Variants in ASAP1 observed in about 807,000 individuals in gnomAD.
The protein encoded by ASAP1 is arf-GAP with SH3 domain, ANK repeat and PH domain-containing protein 1.
ASAP1 carries 43 observed loss-of-function variants against 145.2 expected under a neutral mutation model. The observed-to-expected ratio is 0.30, with a 90% confidence interval of 0.23 to 0.38. The LOEUF is 0.38. Among genes scored for constraint, ASAP1 ranks in the 10% least tolerant of loss-of-function variants. The pLI is 1.00. For missense variants in ASAP1, 1,018 were observed against 1,355.3 expected (o/e 0.75, Z 3.91); for synonymous variants, 546 against 515.5 (o/e 1.06, Z -0.80).
intron 13 of ASAP1, among the ~76,000 whole-genome samples, chr8:130,137,839 C>T (rs547592767): frequency 2.6e-4 from 39 of 152,192 alleles, no homozygotes; most frequent in Non-Finnish European, 4.6e-4. Flanking sequence ...AAACACTCTC[C>T]TGCCTGCCCA....
At chr8:130,079,066 A>T (rs1249828124) in intron 26 of ASAP1, among the ~76,000 whole-genome samples, 1 of 152,082 alleles carries the variant, frequency 6.6e-6, no homozygotes, top group East Asian at 1.9e-4. Context: ...ACAGTGATGC[A>T]TGCCTCTGGT....
In ASAP1 at chr8:130,373,229, G is replaced by C. The variant is rs145027360; in HGVS notation, c.60-15086C>G. On this transcript the variant is annotated intron_variant, in intron 2 of 29. Transcript: ENST00000518721. ...ATCTCTAGACAGACACATTCATTATGAATGGCTTTTTTTTGCATACAAAAC... is the reference window on the plus strand; with the variant it reads ...ATCTCTAGACAGACACATTCATTATCAATGGCTTTTTTTTGCATACAAAAC... Among the ~76,000 whole-genome samples the C allele has an allele frequency of 2.6e-3, 384 of 149,894 alleles. 1 individual carries two copies. The Middle Eastern group carries it at 0.031, about 12-fold the overall frequency.
intron 4 of ASAP1, among the ~76,000 whole-genome samples, chr8:130,232,427 A>C (rs906942867): frequency 2.0e-5 from 3 of 152,206 alleles, no homozygotes; most frequent in Admixed American, 6.5e-5. Flanking sequence ...ACAGATTAAT[A>C]ATGTTAAAAC....
At chr8:130,300,188 C>CA (rs1565186258) in intron 3 of ASAP1, among the ~76,000 whole-genome samples, 13 of 109,868 alleles carry the variant, frequency 1.2e-4, no homozygotes, top group Admixed American at 7.7e-4. Context: ...AGAGAGAGAG[C>CA]GAGCGAGCGA....
chr8:130,333,176 C>A (rs368157988), intron 3 of ASAP1, among the ~76,000 whole-genome samples: 2 of 152,134 alleles, frequency 1.3e-5, no homozygotes. Context: ...TCCTAAGCAC[C>A]CCCAACCCTA....
chr8:130,323,260 A>G (rs979307769), intron 3 of ASAP1, among the ~76,000 whole-genome samples: 3 of 152,228 alleles, frequency 2.0e-5, no homozygotes, highest in African/African-American at 7.2e-5. Flanking sequence ...AAGCCTGAAC[A>G]TTACGGACTG....
chr8:130,426,102 G>A (rs1829906277), intron 1 of ASAP1, among the ~76,000 whole-genome samples: 1 of 152,156 alleles, frequency 6.6e-6, no homozygotes, highest in Admixed American at 6.5e-5. Context: ...ATTGAATCAT[G>A]AAAGGTGTTT....
At chr8:130,173,223 T>C (rs903404539) in intron 9 of ASAP1, among the ~76,000 whole-genome samples, 5 of 152,212 alleles carry the variant, frequency 3.3e-5, no homozygotes, top group African/African-American at 9.6e-5. Context: ...GGACGAGTTG[T>C]AGAAGAATAA....
intron 1 of ASAP1, among the ~76,000 whole-genome samples, chr8:130,423,265 T>C (rs148511594): frequency 1.3e-5 from 2 of 152,276 alleles, no homozygotes; most frequent in African/African-American, 4.8e-5. Context: ...TAGCATTAAA[T>C]TTAAAAATGC....
At chr8:130,319,857 C>T (rs1823893240) in intron 3 of ASAP1, among the ~76,000 whole-genome samples, 1 of 152,186 alleles carries the variant, frequency 6.6e-6, no homozygotes, top group Non-Finnish European at 1.5e-5. Context: ...GACAAAAAAA[C>T]TTTCTAGGTG....
chr8:130,287,601 C>G (rs2137265053), intron 3 of ASAP1, among the ~76,000 whole-genome samples: 1 of 152,250 alleles, frequency 6.6e-6, no homozygotes, highest in South Asian at 2.1e-4. Context: ...GCCTAACAGC[C>G]AAGGAAGGCG....
At chr8:130,219,723 C>T (rs1379804714) in intron 4 of ASAP1, among the ~76,000 whole-genome samples, 1 of 152,190 alleles carries the variant, frequency 6.6e-6, no homozygotes, top group Admixed American at 6.5e-5. Context: ...TAAGAAGACA[C>T]ATTCTTTCCC....
chr8:130,090,952 C>A (rs1277073404), intron 25 of ASAP1, among the ~76,000 whole-genome samples: 1 of 152,186 alleles, frequency 6.6e-6, no homozygotes, highest in African/African-American at 2.4e-5. Context: ...CACAAACTAA[C>A]AAATTTATTC....
intron 3 of ASAP1, among the ~76,000 whole-genome samples, chr8:130,289,845 G>A (rs1821843559): frequency 6.6e-6 from 1 of 152,172 alleles, no homozygotes; most frequent in Admixed American, 6.5e-5. Context: ...GACTAGTGTA[G>A]AACTCCATTA....
chr8:130,418,653 C>T (rs1181737520), intron 1 of ASAP1, among the ~76,000 whole-genome samples: 3 of 151,992 alleles, frequency 2.0e-5, no homozygotes, highest in Admixed American at 1.3e-4. Context: ...ACCCCGAACC[C>T]ATAAGCAGTC....
At chr8:130,307,895 T>C (rs1037861292) in intron 3 of ASAP1, among the ~76,000 whole-genome samples, 9 of 152,220 alleles carry the variant, frequency 5.9e-5, no homozygotes, top group Non-Finnish European at 1.2e-4. Flanking sequence ...ATATATAAAA[T>C]GGATTTTTAA....
intron 2 of ASAP1, among the ~76,000 whole-genome samples, chr8:130,386,399 C>T (rs184841490): frequency 9.6e-4 from 147 of 152,332 alleles, no homozygotes; most frequent in Middle Eastern, 3.4e-3. Context: ...ATTGCCGAGT[C>T]CATAGCTTGA....
chr8:130,131,543 G>A (rs141260131), intron 15 of ASAP1, among the ~76,000 whole-genome samples: 2,299 of 148,578 alleles, frequency 0.015, 34 homozygotes, highest in African/African-American at 0.04. Context: ...GTGGGAGGAT[G>A]GCTTGAGCTC....
At chr8:130,101,611 C>T (rs2097528875) in intron 24 of ASAP1, among the ~76,000 whole-genome samples, 1 of 151,674 alleles carries the variant, frequency 6.6e-6, no homozygotes, top group Non-Finnish European at 1.5e-5. Context: ...TTCTCTGTCA[C>T]CCAGGCTGGA....
Sources: allele counts gnomAD v4.1 joint callset (sites outside exome capture counted in the v4.1 genomes callset), GRCh38; gene constraint gnomAD v4.1.1; transcripts MANE v1.5; gene names NCBI Gene and HGNC (gene_info 2026-07-23, HGNC 2026-07-21).